The following DRC11 variants were observed in gnomAD, a reference collection of about 807,000 sequenced individuals.
The protein encoded by DRC11 is IQ and AAA domain-containing protein 1.
At chr2:236,349,591 C>T in the DRC11 span, among the ~76,000 whole-genome samples, 1 of 152,146 alleles carries the variant, frequency 6.6e-6, no homozygotes, top group Admixed American at 6.5e-5. This position sits in a 1 kb window ranked among gnomAD's most constrained non-coding sequence, Gnocchi z 5.5. Flanking sequence ...AGCTGGAGGC[C>T]ATTATCCTTT....
At chr2:236,493,804 T>G in the DRC11 span, 4 of 1,607,718 alleles carry the variant, frequency 2.5e-6, no homozygotes, top group Non-Finnish European at 3.4e-6. Flanking sequence ...CCGCTAATAT[T>G]TGAGCAAGAA....
chr2:236,492,064 T>C, the DRC11 span, among the ~76,000 whole-genome samples: 1 of 152,216 alleles, frequency 6.6e-6, no homozygotes, highest in African/African-American at 2.4e-5. Flanking sequence ...CCTTCTGCCA[T>C]GTTATGACAC....
At chr2:236,313,721 C>G in the DRC11 span, among the ~76,000 whole-genome samples, 1 of 152,166 alleles carries the variant, frequency 6.6e-6, no homozygotes, top group African/African-American at 2.4e-5. The surrounding 1 kb of genome is among the most constrained non-coding windows in gnomAD (Gnocchi z 4.5). Flanking sequence ...AAAATACTAT[C>G]AAACAATAAA....
the DRC11 span, among the ~76,000 whole-genome samples, chr2:236,341,834 C>G: frequency 6.6e-6 from 1 of 152,164 alleles, no homozygotes; most frequent in Non-Finnish European, 1.5e-5. Context: ...CTTCTGGGAG[C>G]CTTTGTTCTC....
chr2:236,369,399 A>G, the DRC11 span, among the ~76,000 whole-genome samples: 2 of 152,226 alleles, frequency 1.3e-5, no homozygotes, highest in Non-Finnish European at 2.9e-5. This position sits in a 1 kb window ranked among gnomAD's most constrained non-coding sequence, Gnocchi z 4.5. Flanking sequence ...AGTGATAATG[A>G]AAGCATCTAT....
the DRC11 span, among the ~76,000 whole-genome samples, chr2:236,467,650 G>A: frequency 6.6e-6 from 1 of 152,166 alleles, no homozygotes; most frequent in African/African-American, 2.4e-5. Context: ...AGGAATACTA[G>A]GGAGCTCTGG....
chr2:236,396,301 G>GT, the DRC11 span, among the ~76,000 whole-genome samples: 4 of 80,100 alleles, frequency 5.0e-5, no homozygotes, highest in African/African-American at 9.6e-5. Flanking sequence ...TGAAAGAGGG[G>GT]CGGGGGGGGG....
chr2:236,490,057 C>T, the DRC11 span, among the ~76,000 whole-genome samples: 18 of 152,300 alleles, frequency 1.2e-4, no homozygotes, highest in South Asian at 2.7e-3. The surrounding 1 kb of genome is among the most constrained non-coding windows in gnomAD (Gnocchi z 5.5). Context: ...ATGTGTGGGG[C>T]GCTGCCACCA....
At chr2:236,323,082 A>G in the DRC11 span, among the ~76,000 whole-genome samples, 1 of 152,232 alleles carries the variant, frequency 6.6e-6, no homozygotes, top group Non-Finnish European at 1.5e-5. The surrounding 1 kb of genome is among the most constrained non-coding windows in gnomAD (Gnocchi z 6.4). Context: ...ACCAAGTGAA[A>G]TGGTATTTTA....
the DRC11 span, among the ~76,000 whole-genome samples, chr2:236,310,566 C>T: frequency 4.6e-5 from 7 of 152,338 alleles, no homozygotes; most frequent in South Asian, 2.1e-4. The surrounding 1 kb of genome is among the most constrained non-coding windows in gnomAD (Gnocchi z 5.5). Flanking sequence ...ATAATTTGCA[C>T]GACCAACTTG....
At chr2:236,357,768 T>A in the DRC11 span, among the ~76,000 whole-genome samples, 1 of 126,452 alleles carries the variant, frequency 7.9e-6, no homozygotes, top group Non-Finnish European at 1.5e-5. Context: ...ATACATATAC[T>A]ATGTAAATAT....
At chr2:236,416,743 ATAT>A in the DRC11 span, among the ~76,000 whole-genome samples, 2 of 56,424 alleles carry the variant, frequency 3.5e-5, no homozygotes, top group Admixed American at 3.5e-4. Flanking sequence ...ATATATATAT[ATAT>A]ATATATATAT....
At chr2:236,355,861 T>A in the DRC11 span, among the ~76,000 whole-genome samples, 2 of 152,116 alleles carry the variant, frequency 1.3e-5, no homozygotes, top group Admixed American at 1.3e-4. Context: ...ATACCTTTTA[T>A]GAACTACAGA....
the DRC11 span, among the ~76,000 whole-genome samples, chr2:236,341,679 C>T: frequency 6.6e-6 from 1 of 152,170 alleles, no homozygotes; most frequent in Non-Finnish European, 1.5e-5. Context: ...TTAGGTGCAC[C>T]AGGAGGGCTG....
At chr2:236,428,156 T>C in the DRC11 span, among the ~76,000 whole-genome samples, 32 of 152,176 alleles carry the variant, frequency 2.1e-4, 1 homozygote, top group Non-Finnish European at 3.8e-4. Flanking sequence ...GCTGAATATA[T>C]GATTTGTCCT....
chr2:236,442,854 G>A, the DRC11 span, among the ~76,000 whole-genome samples: 10 of 152,058 alleles, frequency 6.6e-5, no homozygotes, highest in African/African-American at 2.2e-4. Flanking sequence ...TGTTGTTGAC[G>A]GTTTGTTCTT....
At chr2:236,355,749 C>CTCTGTG in the DRC11 span, among the ~76,000 whole-genome samples, 1,595 of 107,904 alleles carry the variant, frequency 0.015, 20 homozygotes, top group African/African-American at 0.046. Flanking sequence ...CTCTCTCTCT[C>CTCTGTG]TGTGTGTGTG....
the DRC11 span, among the ~76,000 whole-genome samples, chr2:236,345,553 C>G: frequency 3.9e-5 from 6 of 152,262 alleles, no homozygotes; most frequent in South Asian, 2.1e-4. Context: ...CGGGCCCCCA[C>G]GAGGCTATTT....
the DRC11 span, among the ~76,000 whole-genome samples, chr2:236,379,220 C>T: frequency 2.6e-5 from 4 of 152,158 alleles, no homozygotes; most frequent in Non-Finnish European, 4.4e-5. Context: ...CAGGAACCCC[C>T]AAACAGGGTA....
Sources: gnomAD v4.1 joint callset for allele counts (sites outside exome capture counted in the v4.1 genomes callset) on GRCh38, gnomAD v4.1.1 for gene constraint, Gnocchi (gnomAD v3.1) non-coding constraint, MANE v1.5 for transcripts, NCBI Gene and HGNC (gene_info 2026-07-23, HGNC 2026-07-21) for gene names.